The following PHAX variants were observed in gnomAD, a reference collection of about 807,000 sequenced individuals.
The protein encoded by PHAX is phosphorylated adapter RNA export protein.
In PHAX, 31 loss-of-function variants were observed where a neutral mutation model predicts 41.6. The ratio of observed to expected loss-of-function variants is 0.75; its 90% CI spans 0.56 to 1.01. The LOEUF is 1.01. PHAX is among the 50% of genes least tolerant of loss of function. The pLI, the probability that PHAX is intolerant of heterozygous loss-of-function variation, is 0.00. For synonymous variants in PHAX, 175 were observed against 164.9 expected (o/e 1.06, Z -0.47); for missense variants, 453 against 472.9 (o/e 0.96, Z 0.39).
intron 4 of PHAX, among the ~76,000 whole-genome samples, chr5:126,621,785 G>C (rs962028872): frequency 5.3e-5 from 8 of 152,056 alleles, no homozygotes; most frequent in African/African-American, 1.2e-4. Flanking sequence ...CCTTAACTTG[G>C]AGAGTTAAGT....
chr5:126,622,134 G>A (rs543896034), intron 4 of PHAX, among the ~76,000 whole-genome samples: 12 of 151,498 alleles, frequency 7.9e-5, no homozygotes, highest in Admixed American at 6.6e-4. Flanking sequence ...TTGTGTTTTT[G>A]TTTGTTTGTT....
chr5:126,622,724 T>C (rs559850431), intron 4 of PHAX, among the ~76,000 whole-genome samples: 1 of 152,282 alleles, frequency 6.6e-6, no homozygotes, highest in East Asian at 1.9e-4. Flanking sequence ...CCATATAAAA[T>C]GAAAATGCTT....
intron 2 of PHAX, 63 bp from the exon 3 acceptor site, chr5:126,608,301 A>C: frequency 6.5e-7 from 1 of 1,535,500 alleles, no homozygotes; most frequent in Non-Finnish European, 8.8e-7. Flanking sequence ...GCTGGTGACT[A>C]AGGTAGATTT....
chr5:126,607,388 C>CTTTTTTT (rs58375322), intron 2 of PHAX, among the ~76,000 whole-genome samples: 4 of 85,404 alleles, frequency 4.7e-5, no homozygotes, highest in African/African-American at 1.0e-4. Flanking sequence ...GGTCTGAATT[C>CTTTTTTT]TTTTTTTTTT....
intron 4 of PHAX, among the ~76,000 whole-genome samples, chr5:126,618,454 C>G (rs773748961): frequency 1.3e-5 from 2 of 151,990 alleles, no homozygotes; most frequent in Non-Finnish European, 2.9e-5. Flanking sequence ...CCCATTATCA[C>G]TCCTAAGAGA....
chr5:126,624,507 G>C (rs1355285190), intron 4 of PHAX, 68 bp from the exon 5 acceptor site: 2 of 1,169,750 alleles, frequency 1.7e-6, no homozygotes, highest in Non-Finnish European at 2.4e-6. Flanking sequence ...ATTTTAAAGG[G>C]ACAGTCATGG....
chr5:126,613,156 C>G (rs1752131785), intron 3 of PHAX, among the ~76,000 whole-genome samples: 1 of 152,156 alleles, frequency 6.6e-6, no homozygotes, highest in Admixed American at 6.6e-5. Context: ...CGAGACCAGC[C>G]TGTCCAACAT....
At chr5:126,602,375 GGTTT>G (rs1751917163) in intron 1 of PHAX, among the ~76,000 whole-genome samples, 1 of 152,230 alleles carries the variant, frequency 6.6e-6, no homozygotes, top group African/African-American at 2.4e-5. Flanking sequence ...ACCTACAGCA[GGTTT>G]ATTTAGCCTC....
intron 2 of PHAX, among the ~76,000 whole-genome samples, chr5:126,608,001 T>G (rs567478153): frequency 3.2e-4 from 48 of 152,314 alleles, no homozygotes; most frequent in African/African-American, 1.1e-3. Context: ...AGCCTTAGCT[T>G]TTAGGCGTAA....
chr5:126,610,221 CAGAA>C (rs1752066947), intron 3 of PHAX, among the ~76,000 whole-genome samples: 1 of 152,182 alleles, frequency 6.6e-6, no homozygotes, highest in Non-Finnish European at 1.5e-5. Flanking sequence ...TTCAGAATGA[CAGAA>C]AGAGCTCCTC....
intron 3 of PHAX, among the ~76,000 whole-genome samples, chr5:126,614,841 C>T (rs937921552): frequency 1.3e-5 from 2 of 152,070 alleles, no homozygotes; most frequent in African/African-American, 2.4e-5. Context: ...ACTGCAACCT[C>T]TGCCTCCCGG....
At chr5:126,615,342 TCA>T (rs1020888786) in intron 3 of PHAX, among the ~76,000 whole-genome samples, 1 of 152,136 alleles carries the variant, frequency 6.6e-6, no homozygotes, top group Non-Finnish European at 1.5e-5. Context: ...AGTGGTGGTT[TCA>T]CAGTCATTCA....
At chr5:126,605,996 A>C (rs7705738) in intron 2 of PHAX, among the ~76,000 whole-genome samples, 35,650 of 152,076 alleles carry the variant, frequency 0.23, 4,834 homozygotes, top group East Asian at 0.36. Flanking sequence ...TTATGTCCAC[A>C]TGCCAGTTTA....
intron 2 of PHAX, among the ~76,000 whole-genome samples, chr5:126,606,883 C>G (rs1244881739): frequency 2.6e-5 from 4 of 152,084 alleles, no homozygotes; most frequent in Non-Finnish European, 4.4e-5. Flanking sequence ...TCTCAAACTT[C>G]TAACCTCAGA....
intron 3 of PHAX, among the ~76,000 whole-genome samples, chr5:126,616,708 C>T (rs1246192160): frequency 2.0e-5 from 3 of 151,908 alleles, no homozygotes; most frequent in African/African-American, 4.8e-5. Flanking sequence ...GGCGAAACCC[C>T]GTTTCTACTA....
chr5:126,603,490 T>G, intron 1 of PHAX, 80 bp from the exon 2 acceptor site: 1 of 1,460,532 alleles, frequency 6.8e-7, no homozygotes, highest in Non-Finnish European at 9.2e-7. Flanking sequence ...ATGGCAAAGT[T>G]GAATCTCTAA....
intron 4 of PHAX, among the ~76,000 whole-genome samples, chr5:126,620,051 A>G (rs1406686506): frequency 6.6e-6 from 1 of 152,210 alleles, no homozygotes; most frequent in Non-Finnish European, 1.5e-5. Flanking sequence ...GGTCCAGGTA[A>G]TTGCATTTTG....
chr5:126,611,313 C>G (rs1168670114), intron 3 of PHAX, among the ~76,000 whole-genome samples: 1 of 151,620 alleles, frequency 6.6e-6, no homozygotes, highest in East Asian at 1.9e-4. Context: ...CTCGGCCTCC[C>G]AAAGTGCTGG....
chr5:126,624,507 G>T (rs1355285190), intron 4 of PHAX, 68 bp from the exon 5 acceptor site: 1 of 1,169,868 alleles, frequency 8.5e-7, no homozygotes. Context: ...ATTTTAAAGG[G>T]ACAGTCATGG....
Sources: allele counts gnomAD v4.1 joint callset (sites outside exome capture counted in the v4.1 genomes callset), GRCh38; gene constraint gnomAD v4.1.1; transcripts MANE v1.5; gene names NCBI Gene and HGNC (gene_info 2026-07-23, HGNC 2026-07-21).